The following KIAA1217 variants were observed in gnomAD, a reference collection of about 807,000 sequenced individuals.
KIAA1217 encodes the protein KIAA1217, also known as sickle tail protein homolog.
Under a neutral mutation model 163.9 loss-of-function variants are expected in KIAA1217, and 88 were observed. The ratio of observed to expected loss-of-function variants is 0.54; its 90% CI spans 0.45 to 0.64. KIAA1217 has a LOEUF of 0.64. Ranked by LOEUF, KIAA1217 falls within the 30% of genes least tolerant of loss-of-function variation. The probability of loss-of-function intolerance (pLI) is 0.00; values close to 1 mark genes in which losing one functional copy is unlikely to be tolerated. For missense variants in KIAA1217, 2,372 were observed against 2,475.0 expected, an observed-to-expected ratio of 0.96 and a Z score of 0.88; for synonymous variants, 903 against 923.1, an observed-to-expected ratio of 0.98 and a Z score of 0.39.
intron 2 of KIAA1217, among the ~76,000 whole-genome samples, chr10:24,190,397 T>A (rs1222704586): frequency 6.6e-6 from 1 of 152,178 alleles, no homozygotes; most frequent in Non-Finnish European, 1.5e-5. Context: ...CCATTTCTCA[T>A]CCTTACTTCG....
intron 1 of KIAA1217, among the ~76,000 whole-genome samples, chr10:23,890,762 G>A (rs1187297162): frequency 6.6e-6 from 1 of 152,008 alleles, no homozygotes; most frequent in Non-Finnish European, 1.5e-5. Context: ...ATTAGGTTAA[G>A]TTGGTGAATA....
intron 1 of KIAA1217, among the ~76,000 whole-genome samples, chr10:23,964,029 G>A (rs902099017): frequency 1.3e-5 from 2 of 151,806 alleles, no homozygotes; most frequent in Non-Finnish European, 2.9e-5. Flanking sequence ...AAGTAACTGG[G>A]ACTGCAGGCG....
chr10:23,992,607 CTTTTTTTTT>C (rs368335847), intron 1 of KIAA1217, among the ~76,000 whole-genome samples: 1 of 127,930 alleles, frequency 7.8e-6, no homozygotes, highest in Non-Finnish European at 1.7e-5. Flanking sequence ...GCCATCATTT[CTTTTTTTTT>C]TTTTTTTTTG....
At chr10:23,725,795 T>G (rs1005083343) in intron 1 of KIAA1217, among the ~76,000 whole-genome samples, 7 of 152,210 alleles carry the variant, frequency 4.6e-5, no homozygotes, top group Admixed American at 1.3e-4. Flanking sequence ...TTACATCTGT[T>G]ATAAATTGAG....
intron 5 of KIAA1217, chr10:24,466,597 C>G: frequency 2.0e-6 from 2 of 985,162 alleles, no homozygotes; most frequent in Non-Finnish European, 2.4e-6. Flanking sequence ...TGTGAACACT[C>G]GAGCTGAGAA....
At chr10:24,506,227 C>G (rs2068339314) in intron 9 of KIAA1217, among the ~76,000 whole-genome samples, 1 of 152,212 alleles carries the variant, frequency 6.6e-6, no homozygotes, top group Non-Finnish European at 1.5e-5. Flanking sequence ...GTTCTGAGGT[C>G]TGGCTTTCCT....
chr10:24,286,323 C>CATCA (rs1255464752), intron 2 of KIAA1217, among the ~76,000 whole-genome samples: 7 of 152,052 alleles, frequency 4.6e-5, no homozygotes, highest in African/African-American at 1.7e-4. Flanking sequence ...TAAATGTGAT[C>CATCA]ATCAACTTCT....
intron 2 of KIAA1217, among the ~76,000 whole-genome samples, chr10:24,118,485 A>G (rs1377928077): frequency 6.6e-6 from 1 of 152,222 alleles, no homozygotes; most frequent in Non-Finnish European, 1.5e-5. Context: ...GAAATCCTCC[A>G]TCTGTTTTCC....
chr10:23,891,234 G>A (rs932911858), intron 1 of KIAA1217, among the ~76,000 whole-genome samples: 11 of 151,958 alleles, frequency 7.2e-5, no homozygotes, highest in African/African-American at 2.2e-4. Flanking sequence ...TACACTTAAT[G>A]TACCAATTGA....
At chr10:23,816,152 C>T (rs965770714) in intron 1 of KIAA1217, among the ~76,000 whole-genome samples, 7 of 152,170 alleles carry the variant, frequency 4.6e-5, no homozygotes, top group Non-Finnish European at 8.8e-5. Context: ...CTGTAAAGGT[C>T]CCCTCTGCAA....
At chr10:23,729,906 A>G (rs886714643) in intron 1 of KIAA1217, among the ~76,000 whole-genome samples, 1 of 118,802 alleles carries the variant, frequency 8.4e-6, no homozygotes, top group Non-Finnish European at 1.7e-5. Flanking sequence ...TTTTCTATGA[A>G]ATTTTTTTTT....
intron 2 of KIAA1217, among the ~76,000 whole-genome samples, chr10:24,180,280 CTTTTTT>C (rs34268461): frequency 2.3e-4 from 19 of 83,180 alleles, no homozygotes; most frequent in African/African-American, 8.2e-4. Flanking sequence ...CCTCAACCTT[CTTTTTT>C]TTTTTTTTTT....
intron 2 of KIAA1217, among the ~76,000 whole-genome samples, chr10:24,052,375 T>A (rs1849577677): frequency 6.6e-6 from 1 of 152,126 alleles, no homozygotes; most frequent in African/African-American, 2.4e-5. Context: ...TTAACTAGAG[T>A]GGAAACTAAC....
At chr10:24,527,189 A>T (rs2072318387) in intron 13 of KIAA1217, among the ~76,000 whole-genome samples, 1 of 152,068 alleles carries the variant, frequency 6.6e-6, no homozygotes, top group Non-Finnish European at 1.5e-5. Flanking sequence ...AATGTGACCC[A>T]GAGGGCATAT....
chr10:24,229,134 C>T (rs1049990790), intron 2 of KIAA1217, among the ~76,000 whole-genome samples: 9 of 152,130 alleles, frequency 5.9e-5, no homozygotes, highest in East Asian at 1.9e-4. Flanking sequence ...TCAAAATTTA[C>T]GTACATGCAT....
rs1186646541 is a variant in KIAA1217, at chr10:23,707,013, CA to C, written c.-321+11780del. Among the ~76,000 whole-genome samples, 5 of 152,238 alleles carry C rather than the reference CA, an allele frequency of 3.3e-5. No individual in the cohort carries two copies. In the East Asian group the frequency reaches 9.6e-4, roughly 29 times the overall value. On this transcript the variant is annotated intron_variant, in intron 1 of 18. Transcript: ENST00000376462. ...GTTCTGTTCTTTTTATACACATATTCATTCAGAATATTTATTGATCACCAGC... is the reference window on the plus strand; with the variant it reads ...GTTCTGTTCTTTTTATACACATATTCTTCAGAATATTTATTGATCACCAGC...
Position 24,531,946 on chromosome 10 carries a change from T to C in KIAA1217, c.3199T>C (p.Ser1067Pro). ...AGGATCGGGACTCACCACCACGAGGTCAGGCGATGTGGTCTACACCGGCAG... is the reference window on the plus strand; with the variant it reads ...AGGATCGGGACTCACCACCACGAGGCCAGGCGATGTGGTCTACACCGGCAG... ...LPGSGLTTTR[S>P]GDVVYTGRKE... The change falls in exon 15 of 21, where the codon TCA becomes CCA. Residue 1067 changes from serine to proline, a missense_variant. By Grantham distance (74) the Ser-to-Pro change is moderately conservative (BLOSUM62 -1). Transcript: ENST00000376454. 1.2e-6 allele frequency: 2 copies of C among 1,609,226 alleles called. No homozygotes were observed. The highest frequency in any genetic ancestry group is 1.7e-6 in the Non-Finnish European group (2 of 1,177,126).
chr10:24,040,358 C>T (rs1848579716), intron 2 of KIAA1217, among the ~76,000 whole-genome samples: 1 of 152,172 alleles, frequency 6.6e-6, no homozygotes, highest in African/African-American at 2.4e-5. Flanking sequence ...TATAAAGTAG[C>T]CAAGGTTAGT....
chr10:24,149,270 C>A (rs965948107), intron 2 of KIAA1217, among the ~76,000 whole-genome samples: 1 of 152,172 alleles, frequency 6.6e-6, no homozygotes, highest in Non-Finnish European at 1.5e-5. Context: ...ACCTCTGCCT[C>A]CTGGGTTTAA....
Sources: gnomAD v4.1 joint callset for allele counts (sites outside exome capture counted in the v4.1 genomes callset) on GRCh38, gnomAD v4.1.1 for gene constraint, MANE v1.5 for transcripts, NCBI Gene and HGNC (gene_info 2026-07-23, HGNC 2026-07-21) for gene names.